Variants in ERC1 observed in about 807,000 individuals in gnomAD.
The protein encoded by ERC1 is RAB6 interacting protein 2.
Under a neutral mutation model 132.0 loss-of-function variants are expected in ERC1, and 56 were observed. The observed-to-expected ratio is 0.42, with a 90% CI of 0.34 to 0.53. ERC1 has a LOEUF of 0.53. Ranked by LOEUF, ERC1 falls within the 20% of genes least tolerant of loss-of-function variation. ERC1 has a pLI of 0.03. For synonymous variants in ERC1, 478 were observed against 476.1 expected, an observed-to-expected ratio of 1.00 and a Z score of -0.05; for missense variants, 1,202 against 1,349.9, an observed-to-expected ratio of 0.89 and a Z score of 1.72.
chr12:1,292,340 A>C (rs747873953), intron 15 of ERC1, among the ~76,000 whole-genome samples: 3 of 152,210 alleles, frequency 2.0e-5, no homozygotes, highest in Non-Finnish European at 4.4e-5. Context: ...AGTTAGTTGT[A>C]AGTCATTCAA....
chr12:1,360,305 T>G (rs544605640), intron 15 of ERC1, among the ~76,000 whole-genome samples: 1 of 152,228 alleles, frequency 6.6e-6, no homozygotes, highest in Non-Finnish European at 1.5e-5. Context: ...GAAGCTTGGC[T>G]ATGAAGTAGA....
intron 12 of ERC1, among the ~76,000 whole-genome samples, chr12:1,196,838 C>CTCTCTCTCTG (rs1555299913): frequency 1.0e-5 from 1 of 99,400 alleles, no homozygotes; most frequent in Non-Finnish European, 2.1e-5. Context: ...CTCTGTCTGT[C>CTCTCTCTCTG]TCTCTGTCTG....
At chr12:1,355,498 A>G (rs1319296248) in intron 15 of ERC1, among the ~76,000 whole-genome samples, 1 of 152,196 alleles carries the variant, frequency 6.6e-6, no homozygotes, top group Non-Finnish European at 1.5e-5. Context: ...CAGTGCTGTT[A>G]TGACCAGTGT....
At chr12:1,215,366 A>G (rs114943259) in intron 12 of ERC1, among the ~76,000 whole-genome samples, 9,362 of 152,200 alleles carry the variant, frequency 0.062, 373 homozygotes, top group South Asian at 0.13. Flanking sequence ...ACAGCTCAAA[A>G]CAAAACAACT....
intron 12 of ERC1, among the ~76,000 whole-genome samples, chr12:1,191,823 A>G (rs1485378432): frequency 4.6e-5 from 7 of 151,884 alleles, no homozygotes; most frequent in African/African-American, 1.5e-4. Flanking sequence ...ATTTCGTTTT[A>G]GGATTCAGCA....
chr12:1,443,348 A>G (rs919892821), intron 17 of ERC1: 2 of 152,216 alleles, frequency 1.3e-5, no homozygotes, highest in Admixed American at 6.5e-5. Flanking sequence ...GTTGAAAAAG[A>G]AATAAAGGAA....
chr12:1,252,796 A>C (rs767214867), intron 13 of ERC1, among the ~76,000 whole-genome samples: 2 of 152,164 alleles, frequency 1.3e-5, no homozygotes, highest in Non-Finnish European at 2.9e-5. Context: ...GCTAGCTTTC[A>C]CTTCATCAGT....
chr12:1,268,030 G>C (rs984606237), intron 14 of ERC1, among the ~76,000 whole-genome samples: 1 of 152,138 alleles, frequency 6.6e-6, no homozygotes, highest in African/African-American at 2.4e-5. Flanking sequence ...TTCATTGGCT[G>C]AAAATCTCCT....
In ERC1 at chr12:1,179,244, G is replaced by A. The variant is rs75002837; in HGVS notation, c.1738-1296G>A. On this transcript the variant is annotated intron_variant, in intron 8 of 18. Transcript: ENST00000360905. Reference sequence around the variant, plus strand: ...AATGGTTTTCCATGTCTATATGCGAGTCCTCTTAAGTTTTCATTGAAAGAT... The same window carrying A: ...AATGGTTTTCCATGTCTATATGCGAATCCTCTTAAGTTTTCATTGAAAGAT... Among the ~76,000 whole-genome samples, 55 of 152,202 alleles carry A rather than the reference G, an allele frequency of 3.6e-4. 1 individual carries two copies. The highest frequency in any genetic ancestry group is 1.3e-3 in the African/African-American group (55 of 41,512).
chr12:1,174,806 G>T (rs1483307778), intron 8 of ERC1, among the ~76,000 whole-genome samples: 1 of 152,160 alleles, frequency 6.6e-6, no homozygotes, highest in African/African-American at 2.4e-5. Context: ...TCAACAGCAT[G>T]ACCATAGCTT....
chr12:1,125,912 A>G (rs979575978), intron 7 of ERC1, among the ~76,000 whole-genome samples: 2 of 152,246 alleles, frequency 1.3e-5, no homozygotes, highest in Non-Finnish European at 2.9e-5. Context: ...AATACTACAT[A>G]TGATTCCACT....
In ERC1 at chr12:1,028,045, G is replaced by C; in HGVS notation, c.142G>C (p.Gly48Arg). 1 of 1,614,156 alleles carries C rather than the reference G, an allele frequency of 6.2e-7. No individual in the cohort carries two copies. The highest frequency in any genetic ancestry group is 8.5e-7 in the Non-Finnish European group (1 of 1,180,034). The change falls in exon 2 of 19, where the codon GGT becomes CGT. Residue 48 changes from glycine (G) to arginine (R), a missense_variant. Coordinates refer to ENST00000360905, the MANE Select transcript of ERC1 (RefSeq NM_178040.4). ...TGGSSGSSVG[G>R]GSGKTLSMEN... ...AGGGAGTTCGGGAAGCAGTGTTGGA[G>C]GTGGCAGTGGGAAAACCCTTTCAAT...
At chr12:1,210,984 C>CA (rs147811983) in intron 12 of ERC1, among the ~76,000 whole-genome samples, 4,036 of 114,448 alleles carry the variant, frequency 0.035, 81 homozygotes, top group African/African-American at 0.061. Flanking sequence ...GACTGTGTCT[C>CA]AAAAAAAAAA....
chr12:1,030,239 T>C (rs1967760710), intron 2 of ERC1, among the ~76,000 whole-genome samples: 1 of 152,222 alleles, frequency 6.6e-6, no homozygotes, highest in Non-Finnish European at 1.5e-5. Context: ...TTACACTTTA[T>C]TTTTGGATTA....
chr12:1,093,389 G>A (rs1943500807), intron 3 of ERC1, among the ~76,000 whole-genome samples: 2 of 152,156 alleles, frequency 1.3e-5, no homozygotes, highest in Non-Finnish European at 1.5e-5. Context: ...GGCAAGACTT[G>A]GTTAGTGCTG....
At chr12:1,440,614 GT>G (rs2093118414) in intron 17 of ERC1, among the ~76,000 whole-genome samples, 1 of 61,874 alleles carries the variant, frequency 1.6e-5, no homozygotes, top group African/African-American at 1.6e-4. Context: ...GTGTGTGTGT[GT>G]GTGTGTGTGT....
rs545719818 is a variant in ERC1, at chr12:1,374,393, C to G, written c.2925+2416C>G. 4.0e-3 allele frequency among the ~76,000 whole-genome samples: 615 copies of G among 152,248 alleles called. 2 individuals carry two copies. Among genetic ancestry groups the G allele is most frequent in the African/African-American group, 0.012 (500 of 41,540 alleles). Reference sequence around the variant, plus strand: ...CCCCTCTAACCACCGCCCCCCCACCCCCTACAGGGTAACTTGTCTCCTTGA... The same window carrying G: ...CCCCTCTAACCACCGCCCCCCCACCGCCTACAGGGTAACTTGTCTCCTTGA... On this transcript the variant is annotated intron_variant, in intron 16 of 18. Transcript: ENST00000360905.
At chr12:1,456,688 G>T (rs7298572) in intron 18 of ERC1, among the ~76,000 whole-genome samples, 1 of 151,622 alleles carries the variant, frequency 6.6e-6, no homozygotes, top group Non-Finnish European at 1.5e-5. Context: ...GTGAGGCCAA[G>T]GGGGAGCACA....
At chr12:1,375,985 G>T (rs924735466) in intron 16 of ERC1, among the ~76,000 whole-genome samples, 1 of 151,942 alleles carries the variant, frequency 6.6e-6, no homozygotes, top group Non-Finnish European at 1.5e-5. Flanking sequence ...ATCCACCTGT[G>T]TTTGCCTCCC....
Sources: allele counts gnomAD v4.1 joint callset (sites outside exome capture counted in the v4.1 genomes callset), GRCh38; gene constraint gnomAD v4.1.1; transcripts MANE v1.5; gene names NCBI Gene and HGNC (gene_info 2026-07-23, HGNC 2026-07-21).